The following SCN8A variants were observed in gnomAD, a reference collection of about 807,000 sequenced individuals.
The protein encoded by SCN8A is sodium voltage-gated channel alpha subunit 8, also known as sodium channel protein type 8 subunit alpha.
Under a neutral mutation model 184.1 loss-of-function variants are expected in SCN8A, and 30 were observed. That is an observed-to-expected ratio of 0.16 (90% confidence interval 0.12 to 0.22). The LOEUF (loss-of-function observed/expected upper bound fraction) is 0.22, where lower values mean the gene tolerates loss of function less well. Among genes scored for constraint, SCN8A ranks in the 10% least tolerant of loss-of-function variants. The probability of loss-of-function intolerance (pLI) is 1.00; values close to 1 mark genes in which losing one functional copy is unlikely to be tolerated. For synonymous variants in SCN8A, 852 were observed against 907.0 expected (o/e 0.94, Z 1.09); for missense variants, 1,057 against 2,498.9 (o/e 0.42, Z 12.30).
intron 12 of SCN8A, among the ~76,000 whole-genome samples, chr12:51,730,997 A>G (rs1565903115): frequency 6.6e-6 from 1 of 152,188 alleles, no homozygotes; most frequent in South Asian, 2.1e-4. Context: ...ATTTCACTTA[A>G]TATAATGACT....
intron 2 of SCN8A, among the ~76,000 whole-genome samples, chr12:51,673,547 T>A (rs1941169670): frequency 6.6e-6 from 1 of 152,196 alleles, no homozygotes; most frequent in Non-Finnish European, 1.5e-5. Flanking sequence ...AGTGACCGTA[T>A]AGCTTCAACT....
chr12:51,761,008 T>A (rs983408177), intron 14 of SCN8A, among the ~76,000 whole-genome samples: 1 of 152,220 alleles, frequency 6.6e-6, no homozygotes, highest in Non-Finnish European at 1.5e-5. Flanking sequence ...CCTTAAACTG[T>A]TTCATGTGGA....
Position 51,810,155 on chromosome 12 carries a change from G to A in SCN8A, c.*2726G>A, listed in dbSNP as rs1333708386. The A allele has an allele frequency of 4.8e-6, 1 of 206,460 alleles. No individual in the cohort carries two copies. Among genetic ancestry groups the A allele is most frequent in the Middle Eastern group, 4.7e-4 (1 of 2,148 alleles). The allele number at this position is 206,460 out of a possible 1,614,324, so 12.8% of individuals were successfully genotyped here. On this transcript the variant is annotated 3_prime_UTR_variant, in exon 27 of 27. Coordinates refer to ENST00000627620, the MANE Select transcript of SCN8A (RefSeq NM_001330260.2). The stretch of plus-strand genomic sequence containing the variant: ...GCTAGCTCCTGACCCCAGCCCAGCA[G>A]GCTGTCTCCTCAGTAACACATGGGC...
At chr12:51,600,802 A>G (rs1391082877) in intron 1 of SCN8A, among the ~76,000 whole-genome samples, 3 of 152,208 alleles carry the variant, frequency 2.0e-5, no homozygotes, top group African/African-American at 7.2e-5. Context: ...ATTTAATGCA[A>G]TTTTTAAATC....
intron 1 of SCN8A, among the ~76,000 whole-genome samples, chr12:51,646,080 C>T (rs1438557004): frequency 1.3e-5 from 2 of 150,578 alleles, no homozygotes; most frequent in Non-Finnish European, 2.9e-5. Context: ...AATGGTGGCC[C>T]CCAGGAACAC....
intron 2 of SCN8A, among the ~76,000 whole-genome samples, chr12:51,678,674 A>C (rs1941268853): frequency 6.6e-6 from 1 of 152,224 alleles, no homozygotes; most frequent in South Asian, 2.1e-4. Flanking sequence ...ACATGACCTG[A>C]GAGATGATCT....
intron 3 of SCN8A, among the ~76,000 whole-genome samples, chr12:51,685,893 GA>G (rs1941411467): frequency 6.6e-6 from 1 of 151,896 alleles, no homozygotes; most frequent in Non-Finnish European, 1.5e-5. Flanking sequence ...AACAACTATG[GA>G]AAAAAAGTGA....
chr12:51,605,245 A>C (rs943337039), intron 1 of SCN8A, among the ~76,000 whole-genome samples: 21 of 151,770 alleles, frequency 1.4e-4, no homozygotes, highest in African/African-American at 4.9e-4. Context: ...CCATATTTGT[A>C]GTCTTTTATC....
chr12:51,605,303 A>C (rs959412190), intron 1 of SCN8A, among the ~76,000 whole-genome samples: 2 of 152,014 alleles, frequency 1.3e-5, no homozygotes, highest in African/African-American at 4.8e-5. Flanking sequence ...AGGCCTTTTC[A>C]TCCTCATAGC....
At chr12:51,716,774 C>T (rs1941971967) in intron 11 of SCN8A, among the ~76,000 whole-genome samples, 1 of 152,170 alleles carries the variant, frequency 6.6e-6, no homozygotes, top group Non-Finnish European at 1.5e-5. Flanking sequence ...GTTATTAACA[C>T]CTGGGCTTGT....
chr12:51,591,581 C>CT (rs1939218859), intron 1 of SCN8A, among the ~76,000 whole-genome samples: 2 of 152,294 alleles, frequency 1.3e-5, no homozygotes, highest in Admixed American at 1.3e-4. Context: ...CCGGGGGTCT[C>CT]TTAAGAGAAC....
At chr12:51,725,886 C>A (rs770050618) in intron 12 of SCN8A, among the ~76,000 whole-genome samples, 1 of 152,186 alleles carries the variant, frequency 6.6e-6, no homozygotes, top group African/African-American at 2.4e-5. Flanking sequence ...GATGCATCCA[C>A]AGCCAAGGAT....
At chr12:51,720,233 A>G (rs905242426) in intron 11 of SCN8A, among the ~76,000 whole-genome samples, 1 of 150,654 alleles carries the variant, frequency 6.6e-6, no homozygotes, top group African/African-American at 2.4e-5. Context: ...CTTTTGATGA[A>G]AAAAATATGT....
intron 1 of SCN8A, among the ~76,000 whole-genome samples, chr12:51,655,600 C>A (rs1172335337): frequency 6.6e-6 from 1 of 152,112 alleles, no homozygotes; most frequent in Non-Finnish European, 1.5e-5. Flanking sequence ...TATCAAACTT[C>A]TGGCCTCAAG....
rs1015621627 is a variant in SCN8A, at chr12:51,601,866, T to G, written c.-55+10507T>G. ...TGCTCAGAGAAAGGGTTTTTTTTTT[T>G]TTTTTTTTTTTTTTAAGAGCAATGC... On this transcript the variant is annotated intron_variant, in intron 1 of 26. Transcript: ENST00000627620. Among the ~76,000 whole-genome samples the G allele has an allele frequency of 4.5e-3, 678 of 150,260 alleles. 10 individuals are homozygous for G. Among genetic ancestry groups the G allele is most frequent in the African/African-American group, 0.016 (648 of 40,886 alleles).
intron 18 of SCN8A, 76 bp from the exon 19 acceptor site, chr12:51,770,453 C>G: frequency 1.3e-5 from 19 of 1,459,106 alleles, no homozygotes; most frequent in Non-Finnish European, 1.7e-5. Flanking sequence ...CTGGCAGGGC[C>G]TGGGAGATGG....
intron 1 of SCN8A, among the ~76,000 whole-genome samples, chr12:51,616,462 A>T (rs889668653): frequency 6.6e-6 from 1 of 152,104 alleles, no homozygotes; most frequent in Non-Finnish European, 1.5e-5. Flanking sequence ...ACAAAAAAAA[A>T]TTAGCCAGAC....
At chr12:51,613,024 T>C (rs1314453801) in intron 1 of SCN8A, among the ~76,000 whole-genome samples, 1 of 152,180 alleles carries the variant, frequency 6.6e-6, no homozygotes, top group African/African-American at 2.4e-5. Context: ...ACCCAGCCAA[T>C]TTGCTAATCT....
intron 2 of SCN8A, among the ~76,000 whole-genome samples, chr12:51,670,323 G>T (rs1032110437): frequency 3.3e-5 from 5 of 152,046 alleles, no homozygotes; most frequent in African/African-American, 1.2e-4. Flanking sequence ...GGTGATCTTG[G>T]GCATGCTATT....
Sources: gnomAD v4.1 joint callset for allele counts (sites outside exome capture counted in the v4.1 genomes callset) on GRCh38, gnomAD v4.1.1 for gene constraint, MANE v1.5 for transcripts, NCBI Gene and HGNC (gene_info 2026-07-23, HGNC 2026-07-21) for gene names.